Variants in PALM2AKAP2 observed in about 807,000 individuals in gnomAD.
PALM2AKAP2 encodes PALM2-AKAP2 fusion protein.
A neutral mutation model predicts 71.5 loss-of-function variants in PALM2AKAP2; 37 were observed. The ratio of observed to expected loss-of-function variants is 0.52; its 90% CI spans 0.40 to 0.68. The LOEUF is 0.68. PALM2AKAP2 is among the 30% of genes least tolerant of loss of function. The probability of loss-of-function intolerance (pLI) is 0.00; values close to 1 mark genes in which losing one functional copy is unlikely to be tolerated. For missense variants in PALM2AKAP2, 1,224 were observed against 1,191.8 expected (o/e 1.03, Z -0.40); for synonymous variants, 468 against 478.8 (o/e 0.98, Z 0.29).
chr9:110,070,335 C>A (rs1479184421), intron 1 of PALM2AKAP2, among the ~76,000 whole-genome samples: 2 of 152,184 alleles, frequency 1.3e-5, no homozygotes, highest in Admixed American at 6.5e-5. Flanking sequence ...GAGATCTTCT[C>A]TTTCTACTTT....
chr9:109,665,474 G>A (rs1827468082), intron 1 of PALM2AKAP2, among the ~76,000 whole-genome samples: 1 of 152,204 alleles, frequency 6.6e-6, no homozygotes, highest in Non-Finnish European at 1.5e-5. Context: ...GAGTTTGCTA[G>A]AGTTGCACTC....
intron 1 of PALM2AKAP2, among the ~76,000 whole-genome samples, chr9:109,828,654 T>C (rs1828219684): frequency 6.6e-6 from 1 of 152,248 alleles, no homozygotes; most frequent in African/African-American, 2.4e-5. Flanking sequence ...GATATTTGTT[T>C]GACTTTTACT....
At chr9:109,700,830 C>T (rs1828043488) in intron 1 of PALM2AKAP2, among the ~76,000 whole-genome samples, 1 of 152,110 alleles carries the variant, frequency 6.6e-6, no homozygotes, top group South Asian at 2.1e-4. Flanking sequence ...TTCTTTTTCA[C>T]CACTCTCTTA....
At chr9:109,691,778 G>A (rs1297585592) in intron 1 of PALM2AKAP2, among the ~76,000 whole-genome samples, 2 of 143,662 alleles carry the variant, frequency 1.4e-5, no homozygotes, top group Admixed American at 7.1e-5. Flanking sequence ...AGCGGGAAGT[G>A]GCATTTCTAG....
chr9:109,923,702 A>G (rs1830888465), intron 3 of PALM2AKAP2, 33 bp from the exon 4 acceptor site: 1 of 1,555,812 alleles, frequency 6.4e-7, no homozygotes, highest in Admixed American at 2.1e-5. Context: ...CAGGACAATA[A>G]AGTAACTTGT....
At chr9:109,840,492 G>T (rs1294857573) in intron 1 of PALM2AKAP2, among the ~76,000 whole-genome samples, 1 of 152,136 alleles carries the variant, frequency 6.6e-6, no homozygotes, top group African/African-American at 2.4e-5. Context: ...AAAAGCAATG[G>T]CAACAGAAGC....
intron 2 of PALM2AKAP2, among the ~76,000 whole-genome samples, 166 bp downstream of exon 8, chr9:110,138,705 C>T (rs567882419): frequency 3.9e-5 from 6 of 152,346 alleles, no homozygotes; most frequent in African/African-American, 1.2e-4. Context: ...ACAAAAGTGT[C>T]AAGAGTGTCC....
chr9:109,760,621 C>T (rs192641897), intron 1 of PALM2AKAP2: 17 of 152,128 alleles, frequency 1.1e-4, no homozygotes, highest in African/African-American at 3.9e-4. Context: ...TCCCCAAATT[C>T]TAGTAAGAGA....
intron 3 of PALM2AKAP2, among the ~76,000 whole-genome samples, chr9:109,914,302 A>G (rs1307342558): frequency 6.6e-6 from 1 of 152,238 alleles, no homozygotes; most frequent in Non-Finnish European, 1.5e-5. Flanking sequence ...AAAGGGCTAA[A>G]GAAGATTCTA....
chr9:109,934,723 A>G (rs1268702887), intron 6 of PALM2AKAP2, among the ~76,000 whole-genome samples: 1 of 152,146 alleles, frequency 6.6e-6, no homozygotes, highest in Non-Finnish European at 1.5e-5. Context: ...AAGTCATTTC[A>G]TGTGTGCCAC....
chr9:109,976,685 G>A (rs1283423009), intron 6 of PALM2AKAP2, among the ~76,000 whole-genome samples: 1 of 152,164 alleles, frequency 6.6e-6, no homozygotes, highest in East Asian at 1.9e-4. Context: ...CATTTATTGA[G>A]TGCTTACCCT....
chr9:110,137,815 A>G (rs759605350), exon 2 of PALM2AKAP2: 1 of 1,614,100 alleles, frequency 6.2e-7, no homozygotes, highest in South Asian at 1.1e-5. Context: ...TGCCCCAGAC[A>G]CCACAAACTG....
chr9:109,695,163 T>A (rs1045188944), intron 1 of PALM2AKAP2, among the ~76,000 whole-genome samples: 1 of 152,172 alleles, frequency 6.6e-6, no homozygotes, highest in Admixed American at 6.5e-5. Context: ...TTAAAAAGAA[T>A]AACACTTGAC....
At chr9:109,937,252 A>T (rs1831242217) in intron 6 of PALM2AKAP2, among the ~76,000 whole-genome samples, 1 of 152,194 alleles carries the variant, frequency 6.6e-6, no homozygotes, top group Non-Finnish European at 1.5e-5. Flanking sequence ...CTTGGTTTTT[A>T]GGTGGGCACC....
chr9:109,821,564 AAGTGGTGGGAATAT>A (rs1314710554), intron 1 of PALM2AKAP2, among the ~76,000 whole-genome samples: 3 of 152,148 alleles, frequency 2.0e-5, no homozygotes, highest in African/African-American at 4.8e-5. Flanking sequence ...AGAATATTTG[AAGTGGTGGGAATAT>A]AGTGGTGAGA....
chr9:109,777,995 G>A (rs1201856022), upstream of PALM2AKAP2, among the ~76,000 whole-genome samples: 1 of 152,120 alleles, frequency 6.6e-6, no homozygotes, highest in South Asian at 2.1e-4. Flanking sequence ...GGGTGCCCAG[G>A]CCCTTTTCCT....
At chr9:109,807,785 C>T (rs117588538) in intron 1 of PALM2AKAP2, among the ~76,000 whole-genome samples, 5 of 152,222 alleles carry the variant, frequency 3.3e-5, no homozygotes, top group South Asian at 2.1e-4. Context: ...AATTGTAGTT[C>T]CCATAATCCC....
intron 3 of PALM2AKAP2, among the ~76,000 whole-genome samples, chr9:109,917,831 C>G (rs571354586): frequency 6.6e-6 from 1 of 152,096 alleles, no homozygotes; most frequent in Non-Finnish European, 1.5e-5. Context: ...GAAGTCCCTT[C>G]GGATCATTTT....
intron 6 of PALM2AKAP2, among the ~76,000 whole-genome samples, chr9:109,940,224 A>G (rs1366356088): frequency 6.6e-6 from 1 of 152,236 alleles, no homozygotes; most frequent in Non-Finnish European, 1.5e-5. Flanking sequence ...CTAACCCTCA[A>G]AAGATCCTAA....
Sources: allele counts gnomAD v4.1 joint callset (sites outside exome capture counted in the v4.1 genomes callset), GRCh38; gene constraint gnomAD v4.1.1; transcripts MANE v1.5; gene names NCBI Gene and HGNC (gene_info 2026-07-23, HGNC 2026-07-21).